MNAT1: variants seen among roughly 807,000 people sequenced by gnomAD.
MNAT1 encodes CDK-activating kinase assembly factor MAT1.
MNAT1 carries 43 observed loss-of-function variants against 42.0 expected under a neutral mutation model. The observed-to-expected ratio is 1.02, with a 90% CI of 0.80 to 1.32. The LOEUF (loss-of-function observed/expected upper bound fraction) is 1.32. Among genes scored for constraint, MNAT1 ranks in the 40% most tolerant of loss-of-function variants. The probability of loss-of-function intolerance (pLI) is 0.00; values close to 1 mark genes in which losing one functional copy is unlikely to be tolerated. For missense variants in MNAT1, 306 were observed against 350.4 expected (o/e 0.87, Z 1.01); for synonymous variants, 118 against 120.0 (o/e 0.98, Z 0.11).
intron 7 of MNAT1, among the ~76,000 whole-genome samples, chr14:60,929,433 C>T (rs1267804425): frequency 6.6e-6 from 1 of 151,636 alleles, no homozygotes; most frequent in Non-Finnish European, 1.5e-5. Flanking sequence ...TACATTTGGG[C>T]CTCAGATCCA....
chr14:60,884,856 C>G (rs1180930219), intron 7 of MNAT1, among the ~76,000 whole-genome samples: 1 of 152,014 alleles, frequency 6.6e-6, no homozygotes, highest in Non-Finnish European at 1.5e-5. Flanking sequence ...GAAGAACCCC[C>G]TTTAGCATTT....
At chr14:60,771,879 TC>T (rs1437390868) in intron 1 of MNAT1, among the ~76,000 whole-genome samples, 2 of 152,194 alleles carry the variant, frequency 1.3e-5, no homozygotes, top group Non-Finnish European at 2.9e-5. Flanking sequence ...TGCTTTGAAT[TC>T]GGTGAAAAAG....
intron 7 of MNAT1, among the ~76,000 whole-genome samples, chr14:60,923,236 G>A (rs2035697453): frequency 6.6e-6 from 1 of 152,036 alleles, no homozygotes; most frequent in Non-Finnish European, 1.5e-5. Context: ...AAGATTGCTG[G>A]GCCGCACCTT....
At chr14:60,773,098 C>T (rs1348081736) in intron 1 of MNAT1, among the ~76,000 whole-genome samples, 1 of 151,898 alleles carries the variant, frequency 6.6e-6, no homozygotes, top group Non-Finnish European at 1.5e-5. Context: ...CCACCACATC[C>T]AGCTAATTTT....
chr14:60,820,742 C>G (rs375807236), intron 6 of MNAT1, among the ~76,000 whole-genome samples: 14 of 152,226 alleles, frequency 9.2e-5, no homozygotes, highest in Admixed American at 5.2e-4. Flanking sequence ...ACCCCATAAT[C>G]TAGTCTATAA....
chr14:60,767,568 G>T (rs146512882), intron 1 of MNAT1, among the ~76,000 whole-genome samples: 165 of 151,946 alleles, frequency 1.1e-3, no homozygotes, highest in African/African-American at 3.8e-3. Flanking sequence ...GGCAAGAACA[G>T]TTCAGTTTTT....
intron 6 of MNAT1, among the ~76,000 whole-genome samples, chr14:60,823,505 A>G (rs1192408676): frequency 6.6e-6 from 1 of 152,172 alleles, no homozygotes; most frequent in Non-Finnish European, 1.5e-5. Context: ...AGTGGTATTT[A>G]AGACTTCTAT....
intron 6 of MNAT1, among the ~76,000 whole-genome samples, chr14:60,874,550 T>C (rs555592185): frequency 6.6e-6 from 1 of 152,262 alleles, no homozygotes; most frequent in Admixed American, 6.5e-5. Context: ...TGATATTCTA[T>C]CTTTTTTTCT....
chr14:60,744,973 C>G (rs888743444), intron 1 of MNAT1, among the ~76,000 whole-genome samples: 7 of 152,056 alleles, frequency 4.6e-5, no homozygotes, highest in Non-Finnish European at 1.0e-4. Context: ...TTGGTTTTGC[C>G]CTACACATGT....
chr14:60,789,529 G>A (rs895790045), intron 1 of MNAT1, among the ~76,000 whole-genome samples: 2 of 152,080 alleles, frequency 1.3e-5, no homozygotes, highest in South Asian at 2.1e-4. Context: ...AAGGCAATTC[G>A]CAATAAAATG....
At chr14:60,918,185 C>T (rs2035570549) in intron 7 of MNAT1, among the ~76,000 whole-genome samples, 1 of 143,678 alleles carries the variant, frequency 7.0e-6, no homozygotes, top group Non-Finnish European at 1.5e-5. Context: ...AAGGATCAAT[C>T]CAATTAATTG....
chr14:60,860,608 C>T (rs2034074603), intron 6 of MNAT1, among the ~76,000 whole-genome samples: 1 of 152,008 alleles, frequency 6.6e-6, no homozygotes, highest in Non-Finnish European at 1.5e-5. Context: ...CCGCCTCAGC[C>T]TCCAAAGTGC....
intron 1 of MNAT1, among the ~76,000 whole-genome samples, chr14:60,778,453 C>T (rs1309706152): frequency 6.6e-6 from 1 of 152,150 alleles, no homozygotes; most frequent in Non-Finnish European, 1.5e-5. Context: ...AAAACTGTAC[C>T]TTCCCTCACC....
At chr14:60,965,480 G>A (rs770106286) in intron 7 of MNAT1, among the ~76,000 whole-genome samples, 2 of 152,174 alleles carry the variant, frequency 1.3e-5, no homozygotes, top group Admixed American at 6.5e-5. Flanking sequence ...CCTGCCAGCA[G>A]TGCAGCTGTT....
At chr14:60,799,232 C>T (rs2032122925) in intron 3 of MNAT1, 20 of 984,864 alleles carry the variant, frequency 2.0e-5, no homozygotes, top group Non-Finnish European at 2.4e-5. Context: ...TCTGCATGTA[C>T]TCATTGCACT....
At chr14:60,827,780 A>G (rs1157201724) in intron 6 of MNAT1, among the ~76,000 whole-genome samples, 1 of 152,230 alleles carries the variant, frequency 6.6e-6, no homozygotes, top group Non-Finnish European at 1.5e-5. Flanking sequence ...CAAATTAATA[A>G]TAGTCTTATC....
chr14:60,799,737 ATG>A (rs147905766), intron 3 of MNAT1, among the ~76,000 whole-genome samples: 43 of 149,702 alleles, frequency 2.9e-4, no homozygotes, highest in Admixed American at 2.7e-4. Flanking sequence ...CTGCATATAT[ATG>A]TGTGTGTGTG....
chr14:60,920,489 G>A (rs1388757862), intron 7 of MNAT1, among the ~76,000 whole-genome samples: 2 of 151,868 alleles, frequency 1.3e-5, no homozygotes, highest in Non-Finnish European at 1.5e-5. Flanking sequence ...GCGCGATTTC[G>A]TCTCACTGCA....
intron 1 of MNAT1, among the ~76,000 whole-genome samples, chr14:60,769,916 TG>T (rs1362196156): frequency 6.6e-6 from 1 of 152,206 alleles, no homozygotes; most frequent in Non-Finnish European, 1.5e-5. Flanking sequence ...CCTCCTTCCT[TG>T]GCCTCCCAAA....
Sources: gnomAD v4.1 joint callset for allele counts (sites outside exome capture counted in the v4.1 genomes callset) on GRCh38, gnomAD v4.1.1 for gene constraint, MANE v1.5 for transcripts, NCBI Gene and HGNC (gene_info 2026-07-23, HGNC 2026-07-21) for gene names.